The following ZC2HC1A variants were observed in gnomAD, a reference collection of about 807,000 sequenced individuals.
ZC2HC1A encodes zinc finger C2HC domain-containing protein 1A.
In ZC2HC1A, 28 loss-of-function variants were observed where a neutral mutation model predicts 40.7. The observed-to-expected ratio is 0.69, with a 90% CI of 0.51 to 0.94. The LOEUF is 0.94. Among genes scored for constraint, ZC2HC1A ranks in the 40% least tolerant of loss-of-function variants. The pLI is 0.00. For missense variants in ZC2HC1A, 389 were observed against 386.3 expected (o/e 1.01, Z -0.06); for synonymous variants, 129 against 129.2 (o/e 1.00, Z 0.01).
At chr8:78,685,120 G>A (rs893485308) in intron 3 of ZC2HC1A, among the ~76,000 whole-genome samples, 2 of 152,114 alleles carry the variant, frequency 1.3e-5, no homozygotes, top group Non-Finnish European at 2.9e-5. Context: ...AGTCAGAACC[G>A]TGGAATGGAA....
At chr8:78,709,659 AAAG>A (rs1470666769) in intron 7 of ZC2HC1A, among the ~76,000 whole-genome samples, 1 of 152,062 alleles carries the variant, frequency 6.6e-6, no homozygotes, top group Non-Finnish European at 1.5e-5. Context: ...GGCCACACTG[AAAG>A]AAGAATTGTC....
intron 3 of ZC2HC1A, among the ~76,000 whole-genome samples, chr8:78,680,163 A>T (rs1281075499): frequency 6.6e-6 from 1 of 152,122 alleles, no homozygotes; most frequent in African/African-American, 2.4e-5. Flanking sequence ...GGTGATTTCA[A>T]TGAATATTAG....
chr8:78,698,506 C>T lies in ZC2HC1A; in HGVS notation c.697C>T (p.His233Tyr). ...CTCTCATAAAGGGATAGCAGCCCCTCATGCAGGGTAAGTCTACACTGGATA... is the reference window on the plus strand; with the variant it reads ...CTCTCATAAAGGGATAGCAGCCCCTTATGCAGGGTAAGTCTACACTGGATA... The part of the protein sequence containing the change: ...SPSHKGIAAP[H>Y]AGANVKPRNS... Residue 233 changes from histidine to tyrosine, a missense_variant, in exon 7 of 9, where the codon CAT becomes TAT. Transcript: ENST00000263849. 1.2e-6 allele frequency: 2 copies of T among 1,605,776 alleles called. No homozygotes were observed. Among genetic ancestry groups the T allele is most frequent in the Non-Finnish European group, 1.7e-6 (2 of 1,173,968 alleles).
chr8:78,687,414 C>G (rs1437495691), intron 4 of ZC2HC1A, among the ~76,000 whole-genome samples: 3 of 147,448 alleles, frequency 2.0e-5, no homozygotes, highest in Non-Finnish European at 4.5e-5. Flanking sequence ...TTTTATATGC[C>G]ATAAGGTTTC....
At chr8:78,674,265 C>T (rs1438646588) in intron 1 of ZC2HC1A, among the ~76,000 whole-genome samples, 1 of 152,044 alleles carries the variant, frequency 6.6e-6, no homozygotes, top group East Asian at 1.9e-4. Context: ...GCTTTGTCAT[C>T]TAAGAAGTAG....
chr8:78,694,463 C>G (rs1810331906), intron 5 of ZC2HC1A, among the ~76,000 whole-genome samples: 1 of 152,054 alleles, frequency 6.6e-6, no homozygotes, highest in African/African-American at 2.4e-5. Flanking sequence ...AGTCTGGAAA[C>G]ATTTGAAATT....
intron 1 of ZC2HC1A, among the ~76,000 whole-genome samples, chr8:78,672,244 A>C (rs1809454235): frequency 6.6e-6 from 1 of 152,162 alleles, no homozygotes; most frequent in Non-Finnish European, 1.5e-5. Context: ...TTTTAGTAAT[A>C]AAATTTATAT....
intron 7 of ZC2HC1A, among the ~76,000 whole-genome samples, chr8:78,711,076 A>G (rs928564807): frequency 3.3e-5 from 5 of 152,116 alleles, no homozygotes; most frequent in African/African-American, 9.7e-5. Flanking sequence ...CTCATAATAG[A>G]TGCTCAGGGT....
intron 6 of ZC2HC1A, 72 bp from the exon 7 acceptor site, chr8:78,698,341 TC>T: frequency 8.1e-7 from 1 of 1,231,726 alleles, no homozygotes; most frequent in Non-Finnish European, 1.1e-6. Context: ...AAGCATTGTT[TC>T]CTTTGTTAGA....
At chr8:78,671,065 T>A (rs1489861670) in intron 1 of ZC2HC1A, among the ~76,000 whole-genome samples, 2 of 152,208 alleles carry the variant, frequency 1.3e-5, no homozygotes, top group Non-Finnish European at 2.9e-5. Context: ...AGTGAGGAGA[T>A]GGACATGCCA....
chr8:78,682,782 G>A (rs1018295428), intron 3 of ZC2HC1A, among the ~76,000 whole-genome samples: 3 of 152,136 alleles, frequency 2.0e-5, no homozygotes, highest in Admixed American at 6.5e-5. Context: ...TTCAATCTGA[G>A]ACAAGGCAAG....
intron 4 of ZC2HC1A, among the ~76,000 whole-genome samples, chr8:78,688,882 A>G (rs1810112383): frequency 6.6e-6 from 1 of 152,158 alleles, no homozygotes; most frequent in Non-Finnish European, 1.5e-5. Flanking sequence ...TATATAAAGT[A>G]TGTATCCATT....
chr8:78,690,608 C>T (rs1362457807), intron 5 of ZC2HC1A, among the ~76,000 whole-genome samples: 1 of 150,776 alleles, frequency 6.6e-6, no homozygotes, highest in African/African-American at 2.4e-5. Flanking sequence ...TTTATATATA[C>T]ATTTTATAAT....
In ZC2HC1A at chr8:78,717,340, C is replaced by T; in HGVS notation, c.825C>T (p.Asp275=). 1 of 1,607,302 alleles carries T rather than the reference C, an allele frequency of 6.2e-7. No homozygotes were observed. The highest frequency in any genetic ancestry group is 1.3e-5 in the African/African-American group (1 of 74,514). The stretch of plus-strand genomic sequence containing the variant: ...TTTACTTTTTTAGGCCAGATGGGGA[C>T]TGTGCATCTTCCCTTAATGGTGGAA... ...TESYIARPDG[D]CASSLNGGNI... is the part of the protein sequence containing the mutation. The change falls in exon 9 of 9, where the codon GAC becomes GAT. Residue 275 remains aspartate (D), a synonymous_variant. Coordinates refer to ENST00000263849, the MANE Select transcript of ZC2HC1A (RefSeq NM_016010.3).
chr8:78,714,589 C>A (rs1006443328), intron 7 of ZC2HC1A, among the ~76,000 whole-genome samples: 5 of 152,104 alleles, frequency 3.3e-5, no homozygotes, highest in Non-Finnish European at 7.4e-5. Flanking sequence ...GTTATATCAT[C>A]ATCATTTAGT....
chr8:78,712,287 G>T (rs1202371036), intron 7 of ZC2HC1A, among the ~76,000 whole-genome samples: 4 of 151,958 alleles, frequency 2.6e-5, no homozygotes, highest in Admixed American at 2.6e-4. Context: ...AAGCATTTCT[G>T]TTGTACTAAA....
At chr8:78,686,304 C>T (rs1256322798) in intron 3 of ZC2HC1A, among the ~76,000 whole-genome samples, 163 bp from the exon 4 acceptor site, 1 of 152,068 alleles carries the variant, frequency 6.6e-6, no homozygotes, top group Non-Finnish European at 1.5e-5. Context: ...AATGTAGTTG[C>T]ATAAAGTTTC....
rs1811146519 is a variant in ZC2HC1A at position 78,717,534 on chromosome 8, A to G, written c.*41A>G. ...AAAAAAAAAGCCAAGTTCAGAGTTT[A>G]TGATTATTGCTGCTTGGACAGCTAG... is the stretch of plus-strand genomic sequence containing the variant. On this transcript the variant is annotated 3_prime_UTR_variant, in exon 9 of 9. Coordinates refer to ENST00000263849, the MANE Select transcript of ZC2HC1A (RefSeq NM_016010.3). The G allele has an allele frequency of 1.9e-6, 3 of 1,539,304 alleles. No homozygotes were observed. The highest frequency in any genetic ancestry group is 2.6e-6 in the Non-Finnish European group (3 of 1,151,552).
chr8:78,688,063 G>C (rs1294561738), intron 4 of ZC2HC1A, among the ~76,000 whole-genome samples: 2 of 150,410 alleles, frequency 1.3e-5, no homozygotes, highest in African/African-American at 4.9e-5. Flanking sequence ...AGGCAGGCTG[G>C]ATTTGGCCCA....
Sources: allele counts gnomAD v4.1 joint callset (sites outside exome capture counted in the v4.1 genomes callset), GRCh38; gene constraint gnomAD v4.1.1; transcripts MANE v1.5; gene names NCBI Gene and HGNC (gene_info 2026-07-23, HGNC 2026-07-21).